Variants in SOX6 observed in about 807,000 individuals in gnomAD.
SOX6 encodes the protein transcription factor SOX-6.
A neutral mutation model predicts 97.8 loss-of-function variants in SOX6; 11 were observed. That is an observed-to-expected ratio of 0.11 (90% CI 0.07 to 0.19). SOX6 has a LOEUF of 0.19. SOX6 is among the 10% of genes least tolerant of loss of function. The pLI is 1.00. For missense variants in SOX6, 810 were observed against 1,039.5 expected (o/e 0.78, Z 3.04); for synonymous variants, 360 against 371.4 (o/e 0.97, Z 0.35).
chr11:16,478,144 T>G (rs7927277), upstream of SOX6, among the ~76,000 whole-genome samples: 24,590 of 152,208 alleles, frequency 0.16, 2,021 homozygotes, highest in Non-Finnish European at 0.17. Context: ...ATAAATTTTA[T>G]AGCAAAATGC....
rs1849805448 is a variant in SOX6 at position 16,132,398 on chromosome 11, G to GAAAGAAAGAAAGA, written c.778-20476_778-20475insTCTTTCTTTCTTT. 8.3e-5 allele frequency among the ~76,000 whole-genome samples: 4 copies of GAAAGAAAGAAAGA among 48,134 alleles called. 1 individual carries two copies. The highest frequency in any genetic ancestry group is 3.8e-4 in the African/African-American group (4 of 10,468). 31.6% of individuals were successfully genotyped at this position (48,134 alleles called of 152,430 possible). A position where few individuals can be genotyped will look rare whatever the true frequency, so the allele number is the denominator to read the frequency against. ...AGAAAGAAAGAAAGAAAGAAAGAAA[G>GAAAGAAAGAAAGA]AAAAAAGAAAGAAAGAAAGAAAGAA... On this transcript the variant is annotated intron_variant, in intron 6 of 15. Coordinates refer to ENST00000683767, the MANE Select transcript of SOX6 (RefSeq NM_001367873.1).
intron 4 of SOX6, among the ~76,000 whole-genome samples, chr11:16,201,092 G>T (rs74717991): frequency 6.6e-6 from 1 of 150,968 alleles, no homozygotes; most frequent in East Asian, 2.0e-4. Flanking sequence ...CTCCAACCTC[G>T]GTGACAGAGT....
rs80331004 is a variant in SOX6, at chr11:16,677,454, T to A, written n.429+37376A>T. Among the ~76,000 whole-genome samples the A allele has an allele frequency of 8.5e-4, 130 of 152,328 alleles. 3 individuals are homozygous for A. In the East Asian group the frequency reaches 0.024, roughly 28 times the overall value. Reference sequence around the variant, plus strand: ...ACTCGATCTTCAAATTTTTTGCCAGTTTTTGTGGAGGGATGGACTTTGGGA... The same window carrying A: ...ACTCGATCTTCAAATTTTTTGCCAGATTTTGTGGAGGGATGGACTTTGGGA... On this transcript the variant is annotated intron_variant and non_coding_transcript_variant, in intron 3 of 5. Transcript: ENST00000524520.
chr11:16,644,891 G>A (rs1262250185), intron 3 of SOX6, among the ~76,000 whole-genome samples: 1 of 152,128 alleles, frequency 6.6e-6, no homozygotes, highest in Non-Finnish European at 1.5e-5. Context: ...ACATTGTCTA[G>A]GATAAAGTCA....
intron 3 of SOX6, among the ~76,000 whole-genome samples, chr11:16,679,987 G>T (rs541490350): frequency 6.6e-6 from 1 of 152,194 alleles, no homozygotes; most frequent in Non-Finnish European, 1.5e-5. Context: ...TGTCTGATTG[G>T]TGTAACTGAA....
chr11:16,481,054 C>A (rs1244261577), upstream of SOX6, among the ~76,000 whole-genome samples: 1 of 151,984 alleles, frequency 6.6e-6, no homozygotes, highest in Non-Finnish European at 1.5e-5. Context: ...GTGGGTTTTG[C>A]AGGAGATGTG....
At chr11:16,080,077 C>A (rs1848439952) in intron 9 of SOX6, among the ~76,000 whole-genome samples, 1 of 149,280 alleles carries the variant, frequency 6.7e-6, no homozygotes, top group Non-Finnish European at 1.5e-5. Context: ...TACCCTAAAA[C>A]TTAAAGTATA....
chr11:16,528,968 T>C (rs940080002), intron 4 of SOX6, among the ~76,000 whole-genome samples: 3 of 152,030 alleles, frequency 2.0e-5, no homozygotes, highest in African/African-American at 7.2e-5. Context: ...TTATGGGCAT[T>C]GAGTGCTTTT....
chr11:16,395,164 C>A (rs922796441), intron 1 of SOX6, among the ~76,000 whole-genome samples: 1 of 151,714 alleles, frequency 6.6e-6, no homozygotes, highest in Non-Finnish European at 1.5e-5. Context: ...TTACTGAATG[C>A]TTATAATGTG....
chr11:16,399,665 A>G (rs532587378), intron 1 of SOX6, among the ~76,000 whole-genome samples: 2 of 151,466 alleles, frequency 1.3e-5, no homozygotes, highest in Admixed American at 6.6e-5. Context: ...GAGTTTGCCC[A>G]GTTCATACTT....
At chr11:16,190,249 G>A (rs1851591836) in intron 4 of SOX6, among the ~76,000 whole-genome samples, 1 of 152,188 alleles carries the variant, frequency 6.6e-6, no homozygotes, top group Non-Finnish European at 1.5e-5. Flanking sequence ...GCAGAAAGCA[G>A]TATTTTTAAA....
At chr11:16,016,994 A>G (rs1854905252) in intron 12 of SOX6, among the ~76,000 whole-genome samples, 1 of 151,966 alleles carries the variant, frequency 6.6e-6, no homozygotes, top group Non-Finnish European at 1.5e-5. Context: ...ACTGGAAAAT[A>G]TTCTCAGTAA....
chr11:16,081,406 CA>C (rs1354392850), intron 9 of SOX6, among the ~76,000 whole-genome samples: 2 of 151,486 alleles, frequency 1.3e-5, no homozygotes, highest in Admixed American at 1.3e-4. Context: ...AAAGATGACA[CA>C]AAAAAAATGA....
At chr11:16,224,665 T>C (rs917917416) in intron 4 of SOX6, among the ~76,000 whole-genome samples, 1 of 151,928 alleles carries the variant, frequency 6.6e-6, no homozygotes. Flanking sequence ...AAAAAAACTA[T>C]GGGTGTTGCT....
intron 6 of SOX6, among the ~76,000 whole-genome samples, chr11:16,132,456 G>GAAA (rs780088538): frequency 1.4e-4 from 17 of 119,884 alleles, no homozygotes; most frequent in African/African-American, 5.1e-4. Flanking sequence ...AAGAAAGAAA[G>GAAA]AAAGAAAGAA....
At chr11:16,254,848 A>C (rs1853636502) in intron 3 of SOX6, among the ~76,000 whole-genome samples, 1 of 151,984 alleles carries the variant, frequency 6.6e-6, no homozygotes, top group Non-Finnish European at 1.5e-5. Context: ...GTGGGTCAAA[A>C]AAAATAAGAC....
At chr11:16,137,416 A>T (rs1849997512) in intron 6 of SOX6, among the ~76,000 whole-genome samples, 1 of 152,006 alleles carries the variant, frequency 6.6e-6, no homozygotes, top group Non-Finnish European at 1.5e-5. Context: ...ACAGAGTAAG[A>T]CTCTCTCTCC....
intron 2 of SOX6, among the ~76,000 whole-genome samples, chr11:16,717,190 A>C (rs1848225323): frequency 6.6e-6 from 1 of 152,144 alleles, no homozygotes; most frequent in South Asian, 2.1e-4. Flanking sequence ...CCTTAAGATT[A>C]CTTTCATATT....
intron 3 of SOX6, among the ~76,000 whole-genome samples, chr11:16,650,863 T>G (rs1049426249): frequency 6.6e-6 from 1 of 151,158 alleles, no homozygotes; most frequent in African/African-American, 2.4e-5. Flanking sequence ...ATAAATAAAA[T>G]TGATAGACCA....
Sources: gnomAD v4.1 joint callset for allele counts (sites outside exome capture counted in the v4.1 genomes callset) on GRCh38, gnomAD v4.1.1 for gene constraint, MANE v1.5 for transcripts, NCBI Gene and HGNC (gene_info 2026-07-23, HGNC 2026-07-21) for gene names.